Variants in CTXND1 observed in about 807,000 individuals in gnomAD.
CTXND1 encodes the protein cortexin domain-containing 1 protein.
At chr15:80,235,259 AATAG>A (rs1354725103) in intron 1 of CTXND1, among the ~76,000 whole-genome samples, 1 of 152,184 alleles carries the variant, frequency 6.6e-6, no homozygotes, top group East Asian at 1.9e-4. Context: ...GGCAGGACCT[AATAG>A]ATAGCCTGAG....
chr15:80,221,479 A>C (rs1317374718), intron 1 of CTXND1, among the ~76,000 whole-genome samples: 1 of 152,118 alleles, frequency 6.6e-6, no homozygotes, highest in Non-Finnish European at 1.5e-5. Context: ...GTGCTTTTGG[A>C]GGCTGAGATG....
chr15:80,241,016 C>T lies in CTXND1; in HGVS notation c.-218+10991G>A, dbSNP rs956765062. ...GAAAGTGTGGAAATGCTGCTGCTCACGGAATCCTTAAACTGGCATGTGATA... is the reference window on the plus strand; with the variant it reads ...GAAAGTGTGGAAATGCTGCTGCTCATGGAATCCTTAAACTGGCATGTGATA... On this transcript the variant is annotated intron_variant, in intron 1 of 2. Coordinates refer to ENST00000560778, the MANE Select transcript of CTXND1 (RefSeq NM_001352888.2). 2.4e-4 allele frequency among the ~76,000 whole-genome samples: 36 copies of T among 152,362 alleles called. No homozygotes were observed. The South Asian group carries it at 2.9e-3, about 12-fold the overall frequency.
At chr15:80,250,561 CT>C (rs1234658726) in intron 1 of CTXND1, among the ~76,000 whole-genome samples, 5 of 152,176 alleles carry the variant, frequency 3.3e-5, no homozygotes, top group Admixed American at 2.0e-4. Flanking sequence ...GAAATTAATC[CT>C]TTGAAACAAC....
At chr15:80,242,799 A>G (rs1057286879) in intron 1 of CTXND1, among the ~76,000 whole-genome samples, 9 of 152,038 alleles carry the variant, frequency 5.9e-5, no homozygotes, top group Admixed American at 3.9e-4. Flanking sequence ...AGTCCCCTTT[A>G]CACTGCTCAT....
chr15:80,251,055 C>G (rs188510155), intron 1 of CTXND1, among the ~76,000 whole-genome samples: 160 of 152,222 alleles, frequency 1.1e-3, no homozygotes, highest in Admixed American at 2.1e-3. Flanking sequence ...AAGAACCTGC[C>G]GGCGGATGCA....
intron 2 of CTXND1, among the ~76,000 whole-genome samples, chr15:80,202,323 T>C (rs555746064): frequency 6.6e-5 from 10 of 152,156 alleles, no homozygotes; most frequent in African/African-American, 2.4e-4. Flanking sequence ...TGGGTGGGGA[T>C]AGAGGCCCTG....
chr15:80,210,116 T>C (rs1567128929), intron 1 of CTXND1, among the ~76,000 whole-genome samples: 1 of 152,240 alleles, frequency 6.6e-6, no homozygotes, highest in Admixed American at 6.5e-5. Context: ...CATCTGGTAA[T>C]AGAAACACAG....
At chr15:80,240,074 T>C (rs1893547566) in intron 1 of CTXND1, among the ~76,000 whole-genome samples, 1 of 152,228 alleles carries the variant, frequency 6.6e-6, no homozygotes, top group Non-Finnish European at 1.5e-5. Flanking sequence ...CAAGTGATTC[T>C]CCTGCCTCAG....
intron 1 of CTXND1, among the ~76,000 whole-genome samples, chr15:80,216,094 A>T (rs1392005789): frequency 6.6e-6 from 1 of 152,228 alleles, no homozygotes; most frequent in East Asian, 1.9e-4. Context: ...ATATTCAACA[A>T]TTCACAAAAT....
At position 80,233,811 on chromosome 15, in the gene CTXND1, C is replaced by G. The variant is rs188027647; in HGVS notation, c.-218+18196G>C. Among the ~76,000 whole-genome samples, 383 of 152,366 alleles carry G rather than the reference C, an allele frequency of 2.5e-3. 2 individuals are homozygous for G. The highest frequency in any genetic ancestry group is 4.3e-3 in the Non-Finnish European group (295 of 68,032). On this transcript the variant is annotated intron_variant, in intron 1 of 2. Transcript: ENST00000560778. ...CCTCAAAGGCAGGCAGCTGCAGTGG[C>G]TGTGCGCATCTGAATTGCAGGATTC...
At chr15:80,235,551 G>T (rs867209797) in intron 1 of CTXND1, among the ~76,000 whole-genome samples, 1 of 152,200 alleles carries the variant, frequency 6.6e-6, no homozygotes, top group Admixed American at 6.5e-5. Context: ...GTGGAAGACT[G>T]CAGGGGAAAT....
Position 80,217,521 on chromosome 15 carries a change from CTTATTTATTTAT to C in CTXND1, c.-217-13793_-217-13782del, listed in dbSNP as rs67800490. Reference sequence around the variant, plus strand: ...TGTGTCTGTGCTCTCCAATAGCTTGCTTATTTATTTATTTATTTATTTATTTATTTATTTATT... The same window carrying C: ...TGTGTCTGTGCTCTCCAATAGCTTGCTTATTTATTTATTTATTTATTTATT... On this transcript the variant is annotated intron_variant, in intron 1 of 2. Transcript: ENST00000560778. Among the ~76,000 whole-genome samples, 522 of 143,758 alleles carry C rather than the reference CTTATTTATTTAT, an allele frequency of 3.6e-3. 1 individual carries two copies. The highest frequency in any genetic ancestry group is 9.4e-3 in the South Asian group (41 of 4,356). 94.3% of individuals were successfully genotyped at this position (143,758 alleles called of 152,430 possible).
chr15:80,220,026 A>T (rs1893295273), intron 1 of CTXND1, among the ~76,000 whole-genome samples: 1 of 152,064 alleles, frequency 6.6e-6, no homozygotes, highest in African/African-American at 2.4e-5. Context: ...AAGCCACATT[A>T]ATCTTTTCTT....
At chr15:80,231,579 C>A (rs971992968) in intron 1 of CTXND1, among the ~76,000 whole-genome samples, 4 of 152,040 alleles carry the variant, frequency 2.6e-5, no homozygotes, top group Non-Finnish European at 4.4e-5. Flanking sequence ...GAAATTTCTT[C>A]TCGAGAAAAT....
rs1039530823 is a variant in CTXND1, at chr15:80,199,000, C to T, written c.*2770G>A. ...TATGAAAAAAAATCTTGCATGAGGA[C>T]AATGATTAGAAGGGAATATATGGAC... On this transcript the variant is annotated 3_prime_UTR_variant, in exon 3 of 3. Transcript: ENST00000560778. 1 of 152,096 alleles carries T rather than the reference C, an allele frequency of 6.6e-6. No homozygotes were observed. Among genetic ancestry groups the T allele is most frequent in the African/African-American group, 2.4e-5 (1 of 41,404 alleles). 9.4% of individuals were successfully genotyped at this position (152,096 alleles called of 1,614,324 possible). A position where few individuals can be genotyped will look rare whatever the true frequency, so the allele number is the denominator to read the frequency against.
intron 1 of CTXND1, among the ~76,000 whole-genome samples, chr15:80,234,194 A>G (rs1228670753): frequency 1.3e-5 from 2 of 152,162 alleles, no homozygotes; most frequent in Non-Finnish European, 2.9e-5. Flanking sequence ...GCATCTACAA[A>G]CTTATTGGGG....
intron 1 of CTXND1, among the ~76,000 whole-genome samples, chr15:80,208,258 C>T (rs536742947): frequency 2.6e-5 from 4 of 152,204 alleles, no homozygotes; most frequent in Non-Finnish European, 5.9e-5. Flanking sequence ...CACACGTGTG[C>T]ACACACACAT....
chr15:80,207,014 T>C (rs77152872), intron 1 of CTXND1, among the ~76,000 whole-genome samples: 51 of 152,330 alleles, frequency 3.3e-4, no homozygotes, highest in Non-Finnish European at 6.8e-4. Context: ...TTGAAGGGAA[T>C]GTATATTTTT....
intron 1 of CTXND1, among the ~76,000 whole-genome samples, chr15:80,212,452 C>T (rs1178596583): frequency 6.6e-6 from 1 of 152,182 alleles, no homozygotes. Context: ...AGTCCTTACC[C>T]TCAAGGATTC....
Sources: allele counts gnomAD v4.1 joint callset (sites outside exome capture counted in the v4.1 genomes callset), GRCh38; gene constraint gnomAD v4.1.1; transcripts MANE v1.5; gene names NCBI Gene and HGNC (gene_info 2026-07-23, HGNC 2026-07-21).